NF2: variants seen among roughly 807,000 people sequenced by gnomAD.
NF2 encodes the protein NF2, moesin-ezrin-radixin like (MERLIN) tumor suppressor, also known as merlin.
In NF2, 8 loss-of-function variants were observed where a neutral mutation model predicts 83.7. That is an observed-to-expected ratio of 0.10 (90% CI 0.06 to 0.17). The LOEUF (loss-of-function observed/expected upper bound fraction) is 0.17, where lower values mean the gene tolerates loss of function less well. Among genes scored for constraint, NF2 ranks in the 10% least tolerant of loss-of-function variants. NF2 has a pLI of 1.00. For synonymous variants in NF2, 266 were observed against 269.6 expected (o/e 0.99, Z 0.13); for missense variants, 533 against 744.4 (o/e 0.72, Z 3.31).
intron 1 of NF2, among the ~76,000 whole-genome samples, chr22:29,624,799 C>CTT (rs2065300906): frequency 8.6e-6 from 1 of 116,636 alleles, no homozygotes; most frequent in Admixed American, 8.9e-5. Context: ...TTGAAGGGTC[C>CTT]TCTTTCTTTC....
chr22:29,606,020 T>G (rs1374490468), intron 1 of NF2, among the ~76,000 whole-genome samples: 1 of 151,996 alleles, frequency 6.6e-6, no homozygotes, highest in Non-Finnish European at 1.5e-5. Flanking sequence ...AATGGTGTGA[T>G]CTCGCCTCAC....
intron 1 of NF2, among the ~76,000 whole-genome samples, chr22:29,614,607 C>T (rs1382952117): frequency 2.0e-5 from 3 of 150,990 alleles, no homozygotes; most frequent in Non-Finnish European, 4.4e-5. Context: ...ATTAGCTGGG[C>T]ATGGTGGCGG....
rs1465752977 is a variant in NF2, at chr22:29,671,901, A to G, written c.1075A>G (p.Arg359Gly). 6.2e-7 allele frequency: 1 copy of G among 1,614,160 alleles called. No individual in the cohort carries two copies. Among genetic ancestry groups the G allele is most frequent in the Non-Finnish European group, 8.5e-7 (1 of 1,180,030 alleles). ...ACGCACGAGGGATGAGTTGGAGAGG[A>G]GGCTGCTGCAGATGAAAGAAGAAGC... ...AERTRDELER[R>G]LLQMKEEATM... Residue 359 changes from arginine (R) to glycine (G), a missense_variant, in exon 11 of 16, where the codon AGG (arginine) becomes GGG (glycine). Physicochemically the swap from Arg to Gly is moderately radical, Grantham distance 125. Around this residue, in one of 3 missense-constraint regions of NF2, gnomAD observed 326 missense variants for 475.1 expected, o/e 0.69. Coordinates refer to ENST00000338641, the MANE Select transcript of NF2 (RefSeq NM_000268.4).
At position 29,603,876 on chromosome 22, in the gene NF2, G is replaced by A; in HGVS notation, c.-123G>A. On this transcript the variant is annotated 5_prime_UTR_variant, in exon 1 of 16. Transcript: ENST00000338641. ...GCTGGGGACCCGCGCAGCCCAGACC[G>A]TTCCCGGGCCGGGCAGCCGGCCACC... The A allele has an allele frequency of 1.4e-6, 1 of 735,938 alleles. No homozygotes were observed. The highest frequency in any genetic ancestry group is 2.2e-6 in the Non-Finnish European group (1 of 450,908). The allele number at this position is 735,938 out of a possible 1,614,324, so 45.6% of individuals were successfully genotyped here.
chr22:29,651,812 AC>A (rs1270094764), intron 4 of NF2, among the ~76,000 whole-genome samples: 1 of 152,124 alleles, frequency 6.6e-6, no homozygotes, highest in Non-Finnish European at 1.5e-5. Flanking sequence ...TGCCTTTGGA[AC>A]CTGAATTTAC....
intron 15 of NF2, among the ~76,000 whole-genome samples, chr22:29,690,223 G>C (rs2067369741): frequency 6.6e-6 from 1 of 152,242 alleles, no homozygotes; most frequent in Non-Finnish European, 1.5e-5. Flanking sequence ...TTGCATGCCT[G>C]GGTTAGAGAG....
intron 4 of NF2, among the ~76,000 whole-genome samples, chr22:29,643,995 G>T (rs572961843): frequency 6.7e-5 from 10 of 150,122 alleles, no homozygotes; most frequent in African/African-American, 2.5e-4. Context: ...CCTCCCGGAC[G>T]GGGCGGCTGG....
intron 6 of NF2, 61 bp from the exon 7 acceptor site, chr22:29,658,128 C>T (rs2066367988): frequency 6.6e-7 from 1 of 1,508,756 alleles, no homozygotes; most frequent in East Asian, 2.3e-5. Flanking sequence ...GATTTGGTGC[C>T]CACCCGCTCT....
chr22:29,675,947 G>A (rs758883247), intron 13 of NF2, among the ~76,000 whole-genome samples: 11 of 152,122 alleles, frequency 7.2e-5, no homozygotes, highest in Non-Finnish European at 1.5e-4. Flanking sequence ...TGCTGTTGCC[G>A]TATATCCCGG....
chr22:29,609,065 A>G (rs1181494189), intron 1 of NF2: 5 of 735,266 alleles, frequency 6.8e-6, no homozygotes, highest in African/African-American at 1.7e-5. Context: ...GGTAAAGCCA[A>G]TGGCTATAAG....
chr22:29,654,597 T>C, intron 4 of NF2, 60 bp from the exon 5 acceptor site: 1 of 1,427,750 alleles, frequency 7.0e-7, no homozygotes, highest in South Asian at 1.1e-5. Flanking sequence ...TCCAGCTCTG[T>C]TCAGAAATGG....
chr22:29,678,009 G>T (rs892322266), intron 13 of NF2, among the ~76,000 whole-genome samples, 187 bp from the exon 14 acceptor site: 1 of 152,132 alleles, frequency 6.6e-6, no homozygotes, highest in African/African-American at 2.4e-5. Flanking sequence ...CTTTGATATT[G>T]TTTACCTGGC....
intron 1 of NF2, among the ~76,000 whole-genome samples, chr22:29,615,349 G>T (rs1342921438): frequency 2.6e-5 from 4 of 152,144 alleles, no homozygotes; most frequent in South Asian, 4.1e-4. Flanking sequence ...AAGGTGGGAG[G>T]ATCACTTGAA....
At chr22:29,679,161 T>C (rs1036945821) in intron 14 of NF2, among the ~76,000 whole-genome samples, 8 of 152,210 alleles carry the variant, frequency 5.3e-5, no homozygotes, top group African/African-American at 1.9e-4. Flanking sequence ...TTAGAGAGTT[T>C]AGTGAACTCC....
chr22:29,660,897 G>T (rs2066459650), intron 7 of NF2, among the ~76,000 whole-genome samples: 1 of 152,192 alleles, frequency 6.6e-6, no homozygotes, highest in African/African-American at 2.4e-5. Context: ...CTATACCTAT[G>T]ATAGCCTGCT....
chr22:29,639,338 C>T (rs1347197301), intron 3 of NF2, 126 bp downstream of exon 3: 1 of 1,214,380 alleles, frequency 8.2e-7, no homozygotes, highest in African/African-American at 1.5e-5. Flanking sequence ...GAAGGTCAGC[C>T]CCTTTGGTTC....
chr22:29,607,718 G>T lies in NF2; in HGVS notation c.114+3606G>T, dbSNP rs2064835488. Among the ~76,000 whole-genome samples, 7 of 151,922 alleles carry T rather than the reference G, an allele frequency of 4.6e-5. No homozygotes were observed. In the South Asian group the frequency reaches 1.5e-3, roughly 32 times the overall value. ...AATTAATGAAAAAGGCTTCAAACTG[G>T]CCTATATATATATTCACAGTACTAT... On this transcript the variant is annotated intron_variant, in intron 1 of 15. Coordinates refer to ENST00000338641, the MANE Select transcript of NF2 (RefSeq NM_000268.4).
intron 1 of NF2, among the ~76,000 whole-genome samples, chr22:29,623,626 CA>C (rs1252583887): frequency 6.6e-6 from 1 of 152,114 alleles, no homozygotes; most frequent in Admixed American, 6.5e-5. Context: ...TTCTCAGGTC[CA>C]AAGCCAGTCC....
chr22:29,688,890 C>T (rs186816027), intron 15 of NF2, among the ~76,000 whole-genome samples: 32 of 152,296 alleles, frequency 2.1e-4, no homozygotes, highest in African/African-American at 7.2e-4. Flanking sequence ...TGCAGAAAAG[C>T]TTGATCTGGG....
Sources: allele counts gnomAD v4.1 joint callset (sites outside exome capture counted in the v4.1 genomes callset), GRCh38; gene constraint gnomAD v4.1.1; regional missense constraint gnomAD v4.1.1; transcripts MANE v1.5; gene names NCBI Gene and HGNC (gene_info 2026-07-23, HGNC 2026-07-21).